RFX2: variants seen among roughly 807,000 people sequenced by gnomAD.
RFX2 encodes the protein DNA-binding protein RFX2.
In RFX2, 20 loss-of-function variants were observed where a neutral mutation model predicts 87.8. The ratio of observed to expected loss-of-function variants is 0.23; its 90% CI spans 0.16 to 0.33. The LOEUF (loss-of-function observed/expected upper bound fraction) is 0.33. RFX2 is among the 10% of genes least tolerant of loss of function. The pLI, the probability that RFX2 is intolerant of heterozygous loss-of-function variation, is 1.00. For missense variants in RFX2, 767 were observed against 1,012.3 expected (o/e 0.76, Z 3.29); for synonymous variants, 397 against 431.3 (o/e 0.92, Z 0.98).
chr19:6,048,061 G>T (rs1315271721), intron 1 of RFX2, among the ~76,000 whole-genome samples: 9 of 152,156 alleles, frequency 5.9e-5, no homozygotes, highest in African/African-American at 1.9e-4. Flanking sequence ...TGCCAGGAGC[G>T]CCCCCTCCCC....
chr19:6,088,566 T>A (rs1444275396), intron 1 of RFX2, among the ~76,000 whole-genome samples: 2 of 152,054 alleles, frequency 1.3e-5, no homozygotes, highest in Non-Finnish European at 2.9e-5. Context: ...ACGAAATTCA[T>A]CCTGCAAGAT....
rs1301547129 is a variant in RFX2 at position 6,040,216 on chromosome 19, C to T, written c.286G>A (p.Glu96Lys). 20 of 1,581,124 alleles carry T rather than the reference C, an allele frequency of 1.3e-5. No homozygotes were observed. Among genetic ancestry groups the T allele is most frequent in the Middle Eastern group, 1.7e-4 (1 of 5,900 alleles). Residue 96 changes from glutamate to lysine, a missense_variant, in exon 5 of 18, where the codon GAG (glutamate) becomes AAG (lysine). By Grantham distance (56) the Glu-to-Lys change is moderately conservative (BLOSUM62 1). Coordinates refer to ENST00000303657, the MANE Select transcript of RFX2 (RefSeq NM_000635.4). This position sits in a 1 kb window ranked among gnomAD's most constrained non-coding sequence, Gnocchi z 6.1. ...CTGCTGGGGGCGTACATCTGAGGCT[C>T]GGGGTTGTAGGTGTAGGCTGTTCGT... Reference protein sequence around the residue: ...AIRTAYTYNPEPQMYAPSSTA... With the variant: ...AIRTAYTYNPKPQMYAPSSTA...
chr19:6,024,921 TGAG>T lies in RFX2; in HGVS notation c.597+1239_597+1241del, dbSNP rs2086866755. Among the ~76,000 whole-genome samples, 1 of 149,298 alleles carries T rather than the reference TGAG, an allele frequency of 6.7e-6. No individual in the cohort carries two copies. Among genetic ancestry groups the T allele is most frequent in the Admixed American group, 6.7e-5 (1 of 14,976 alleles). On this transcript the variant is annotated intron_variant, in intron 6 of 17. Transcript: ENST00000303657. This position sits in a 1 kb window ranked among gnomAD's most constrained non-coding sequence, Gnocchi z 5.0. The stretch of plus-strand genomic sequence containing the variant: ...GACGGGAGTCAGGACGGGATCACGG[TGAG>T]GACGGGAGTCAGGACGGGATCACGG...
At position 6,023,811 on chromosome 19, in the gene RFX2, G is replaced by A. The variant is rs146517552; in HGVS notation, c.597+2352C>T. Among the ~76,000 whole-genome samples, 371 of 150,794 alleles carry A rather than the reference G, an allele frequency of 2.5e-3. 3 individuals are homozygous for A. The highest frequency in any genetic ancestry group is 8.5e-3 in the African/African-American group (347 of 40,974). On this transcript the variant is annotated intron_variant, in intron 6 of 17. Transcript: ENST00000303657. The surrounding 1 kb of genome is among the most constrained non-coding windows in gnomAD (Gnocchi z 4.9). ...TTTTTTTTTTTTGAGATGGAGTCTCGCTCTGTCTCCCAGGCTGGAGTGCAG... is the reference window on the plus strand; with the variant it reads ...TTTTTTTTTTTTGAGATGGAGTCTCACTCTGTCTCCCAGGCTGGAGTGCAG...
At chr19:6,080,254 CAG>C (rs140111900) in intron 1 of RFX2, among the ~76,000 whole-genome samples, 348 of 126,754 alleles carry the variant, frequency 2.7e-3, no homozygotes, top group African/African-American at 6.4e-3. Context: ...GAGAGAGAGA[CAG>C]AGAGAGAGAG....
At position 6,001,581 on chromosome 19, in the gene RFX2, G is replaced by A. The variant is rs1221602463; in HGVS notation, c.1859+234C>T. ...CCCTCAGTGATGATTTCTGTCTGCA[G>A]AACTTGCAACTTAGTATTTAGGCCA... On this transcript the variant is annotated intron_variant, in intron 15 of 17. Coordinates refer to ENST00000303657, the MANE Select transcript of RFX2 (RefSeq NM_000635.4). The surrounding 1 kb of genome is among the most constrained non-coding windows in gnomAD (Gnocchi z 5.6). 2.6e-5 allele frequency among the ~76,000 whole-genome samples: 4 copies of A among 152,186 alleles called. No homozygotes were observed. The highest frequency in any genetic ancestry group is 9.6e-5 in the African/African-American group (4 of 41,452).
intron 1 of RFX2, among the ~76,000 whole-genome samples, chr19:6,076,381 T>A (rs2144847551): frequency 6.6e-6 from 1 of 152,180 alleles, no homozygotes; most frequent in African/African-American, 2.4e-5. Context: ...CAAACGTTCA[T>A]CAACTGGAAT....
chr19:6,002,876 AGCCAGG>A lies in RFX2; in HGVS notation c.1501-12_1501-7del, dbSNP rs1568499411. 6.2e-7 allele frequency: 1 copy of A among 1,602,580 alleles called. No homozygotes were observed. Among genetic ancestry groups the A allele is most frequent in the East Asian group, 2.2e-5 (1 of 44,646 alleles). ...AAGGCACTGACGACGCCCACCTGTA[AGCCAGG>A]GCTCGTGGTGAGCAGGGGTTCGCAG... On this transcript the variant is annotated splice_polypyrimidine_tract_variant and splice_region_variant and intron_variant, in intron 13 of 17. Transcript: ENST00000303657. The surrounding 1 kb of genome is among the most constrained non-coding windows in gnomAD (Gnocchi z 6.7).
At position 6,045,180 on chromosome 19, in the gene RFX2, G is replaced by A. The variant is rs1238178689; in HGVS notation, c.91-898C>T. 6.6e-6 allele frequency among the ~76,000 whole-genome samples: 1 copy of A among 152,186 alleles called. No homozygotes were observed. Among genetic ancestry groups the A allele is most frequent in the Non-Finnish European group, 1.5e-5 (1 of 68,030 alleles). On this transcript the variant is annotated intron_variant, in intron 2 of 17. Coordinates refer to ENST00000303657, the MANE Select transcript of RFX2 (RefSeq NM_000635.4). The surrounding 1 kb of genome is among the most constrained non-coding windows in gnomAD (Gnocchi z 5.2). The stretch of plus-strand genomic sequence containing the variant: ...CGCCATCCCCTGTGTTGCAGGAGTG[G>A]AGCTAAGGATGAAGATGGTGCTAAT...
In RFX2 at chr19:6,011,867, CAG is replaced by C. The variant is rs2086664049; in HGVS notation, c.899+1117_899+1118del. On this transcript the variant is annotated intron_variant, in intron 8 of 17. Transcript: ENST00000303657. The surrounding 1 kb of genome is among the most constrained non-coding windows in gnomAD (Gnocchi z 4.8). Reference sequence around the variant, plus strand: ...GCTATTGCAATGTGGCCCCTGCCCTCAGGGGGGGCACTTGTGGAGGCACACTG... The same window carrying C: ...GCTATTGCAATGTGGCCCCTGCCCTCGGGGGGCACTTGTGGAGGCACACTG... Among the ~76,000 whole-genome samples, 1 of 152,220 alleles carries C rather than the reference CAG, an allele frequency of 6.6e-6. No homozygotes were observed. Among genetic ancestry groups the C allele is most frequent in the African/African-American group, 2.4e-5 (1 of 41,466 alleles).
intron 1 of RFX2, among the ~76,000 whole-genome samples, chr19:6,105,436 G>A (rs2088201299): frequency 6.6e-6 from 1 of 152,194 alleles, no homozygotes; most frequent in South Asian, 2.1e-4. Context: ...GTGAGGGAAG[G>A]CATCTAGCTT....
chr19:6,004,351 T>C lies in RFX2; in HGVS notation c.1403-53A>G, dbSNP rs1234766638. On this transcript the variant is annotated intron_variant, in intron 12 of 17. Transcript: ENST00000303657. The surrounding 1 kb of genome is among the most constrained non-coding windows in gnomAD (Gnocchi z 4.8). ...AGGGAGAAAGGCAGTGACTGGACCCTGGAAATCAGCATTCAGTGTAAGAGC... is the reference window on the plus strand; with the variant it reads ...AGGGAGAAAGGCAGTGACTGGACCCCGGAAATCAGCATTCAGTGTAAGAGC... 6.9e-7 allele frequency: 1 copy of C among 1,440,228 alleles called. No individual in the cohort carries two copies. Among genetic ancestry groups the C allele is most frequent in the East Asian group, 2.3e-5 (1 of 43,958 alleles). 89.2% of individuals were successfully genotyped at this position (1,440,228 alleles called of 1,614,324 possible). A position where few individuals can be genotyped will look rare whatever the true frequency, so the allele number is the denominator to read the frequency against.
At chr19:6,104,583 A>C (rs2088180912) in intron 1 of RFX2, among the ~76,000 whole-genome samples, 1 of 150,978 alleles carries the variant, frequency 6.6e-6, no homozygotes. Flanking sequence ...AAAAAAAAAA[A>C]ATTTTTAAGG....
At position 6,039,406 on chromosome 19, in the gene RFX2, T is replaced by C. The variant is rs1481424197; in HGVS notation, c.522+574A>G. Among the ~76,000 whole-genome samples the C allele has an allele frequency of 2.0e-5, 3 of 152,178 alleles. No homozygotes were observed. The highest frequency in any genetic ancestry group is 7.2e-5 in the African/African-American group (3 of 41,440). On this transcript the variant is annotated intron_variant, in intron 5 of 17. Coordinates refer to ENST00000303657, the MANE Select transcript of RFX2 (RefSeq NM_000635.4). The surrounding 1 kb of genome is among the most constrained non-coding windows in gnomAD (Gnocchi z 5.2). Reference sequence around the variant, plus strand: ...TACACAAATCTACCCATGTCAAAACTCACAAGGCTGTACACCAAAAAGTTG... The same window carrying C: ...TACACAAATCTACCCATGTCAAAACCCACAAGGCTGTACACCAAAAAGTTG...
At chr19:6,103,021 C>A (rs1396472163) in intron 1 of RFX2, among the ~76,000 whole-genome samples, 1 of 152,138 alleles carries the variant, frequency 6.6e-6, no homozygotes, top group African/African-American at 2.4e-5. Context: ...CAAACACATG[C>A]ACACACGTCC....
chr19:6,025,617 G>A (rs771261808), intron 6 of RFX2, among the ~76,000 whole-genome samples: 34 of 151,998 alleles, frequency 2.2e-4, no homozygotes, highest in Admixed American at 1.3e-3. Context: ...ATGACAACCC[G>A]AGGAGGTAGG....
intron 5 of RFX2, among the ~76,000 whole-genome samples, chr19:6,038,789 T>C (rs1363601432): frequency 2.0e-5 from 3 of 152,140 alleles, no homozygotes; most frequent in East Asian, 3.8e-4. Flanking sequence ...ACACATCTAT[T>C]AGAATGGCCA....
chr19:6,085,511 T>C (rs2087844573), intron 1 of RFX2, among the ~76,000 whole-genome samples: 2 of 152,262 alleles, frequency 1.3e-5, no homozygotes, highest in African/African-American at 4.8e-5. Flanking sequence ...ATTTTGAATA[T>C]TAACCTCTTA....
chr19:6,007,678 T>C lies in RFX2; in HGVS notation c.1247+12A>G, dbSNP rs1411187656. 1.3e-6 allele frequency: 2 copies of C among 1,499,626 alleles called. No homozygotes were observed. The highest frequency in any genetic ancestry group is 1.8e-6 in the Non-Finnish European group (2 of 1,099,782). The allele number at this position is 1,499,626 out of a possible 1,614,324, so 92.9% of individuals were successfully genotyped here. ...GGGGTGGCTGTGAACCCAGCCAGGG[T>C]GTGGCAGTCACCTGGCAGGAAGAGA... is the stretch of plus-strand genomic sequence containing the variant. On this transcript the variant is annotated intron_variant, in intron 11 of 17. Transcript: ENST00000303657. The surrounding 1 kb of genome is among the most constrained non-coding windows in gnomAD (Gnocchi z 8.2).
Sources: allele counts gnomAD v4.1 joint callset (sites outside exome capture counted in the v4.1 genomes callset), GRCh38; gene constraint gnomAD v4.1.1; non-coding constraint Gnocchi (gnomAD v3.1); transcripts MANE v1.5; gene names NCBI Gene and HGNC (gene_info 2026-07-23, HGNC 2026-07-21).